The following MYRIP variants were observed in gnomAD, a reference collection of about 807,000 sequenced individuals.
MYRIP encodes the protein rab effector MyRIP.
In MYRIP, 49 loss-of-function variants were observed where a neutral mutation model predicts 98.0. That is an observed-to-expected ratio of 0.50 (90% confidence interval 0.40 to 0.63). The LOEUF (loss-of-function observed/expected upper bound fraction) is 0.63, where lower values mean the gene tolerates loss of function less well. Among genes scored for constraint, MYRIP ranks in the 30% least tolerant of loss-of-function variants. MYRIP has a pLI of 0.00. For synonymous variants in MYRIP, 404 were observed against 409.5 expected (o/e 0.99, Z 0.16); for missense variants, 1,004 against 1,058.2 (o/e 0.95, Z 0.71).
At chr3:39,960,162 TCATAAGAGC>T (rs1945286587) in intron 2 of MYRIP, among the ~76,000 whole-genome samples, 1 of 151,992 alleles carries the variant, frequency 6.6e-6, no homozygotes, top group South Asian at 2.1e-4. Flanking sequence ...TTAGGGAGCA[TCATAAGAGC>T]CAGTGAGTTT....
chr3:39,887,976 G>C (rs374849395), intron 1 of MYRIP, among the ~76,000 whole-genome samples: 20 of 150,542 alleles, frequency 1.3e-4, no homozygotes. Context: ...TACAAGGGAC[G>C]TGAAGGACCT....
intron 8 of MYRIP, among the ~76,000 whole-genome samples, chr3:40,179,266 AG>A (rs1950834583): frequency 6.6e-6 from 1 of 152,146 alleles, no homozygotes; most frequent in African/African-American, 2.4e-5. Flanking sequence ...GACCTGTTGG[AG>A]ACAGCTCTGC....
chr3:39,983,691 G>C (rs752101868), intron 2 of MYRIP, among the ~76,000 whole-genome samples: 1 of 152,120 alleles, frequency 6.6e-6, no homozygotes, highest in Admixed American at 6.6e-5. Context: ...AACAAATGAA[G>C]AGATATACAA....
At chr3:39,851,480 G>A (rs895129352) in intron 1 of MYRIP, among the ~76,000 whole-genome samples, 2 of 152,120 alleles carry the variant, frequency 1.3e-5, no homozygotes, top group Non-Finnish European at 2.9e-5. Context: ...CTCAGGGTGT[G>A]GGTATGGGTC....
At chr3:39,818,801 C>T (rs1178417364) in intron 1 of MYRIP, among the ~76,000 whole-genome samples, 1 of 151,930 alleles carries the variant, frequency 6.6e-6, no homozygotes, top group Admixed American at 6.6e-5. Flanking sequence ...CATTTGATGC[C>T]AAATTACTCC....
chr3:40,065,764 T>C (rs956290494), intron 3 of MYRIP, among the ~76,000 whole-genome samples: 1 of 152,148 alleles, frequency 6.6e-6, no homozygotes, highest in African/African-American at 2.4e-5. Flanking sequence ...TTGTCCCCCA[T>C]CTCAATGCAT....
chr3:40,054,766 C>G (rs1327423699), intron 3 of MYRIP, among the ~76,000 whole-genome samples: 1 of 152,168 alleles, frequency 6.6e-6, no homozygotes, highest in Non-Finnish European at 1.5e-5. Flanking sequence ...ATAAATGTCT[C>G]TCTCTGGCAC....
intron 2 of MYRIP, among the ~76,000 whole-genome samples, chr3:39,953,269 T>C (rs781664080): frequency 2.0e-5 from 3 of 152,214 alleles, no homozygotes; most frequent in Non-Finnish European, 2.9e-5. Flanking sequence ...TTCAATAGTT[T>C]TACTTGAATA....
intron 1 of MYRIP, among the ~76,000 whole-genome samples, chr3:39,850,854 T>A (rs1274646744): frequency 2.6e-5 from 4 of 152,174 alleles, no homozygotes; most frequent in African/African-American, 7.2e-5. Context: ...CATTATCCAG[T>A]TGAAACTGAA....
At chr3:40,125,289 G>C (rs1949502826) in intron 3 of MYRIP, among the ~76,000 whole-genome samples, 1 of 152,204 alleles carries the variant, frequency 6.6e-6, no homozygotes. Flanking sequence ...ACAATAGGCT[G>C]TCTGTAAGCT....
chr3:39,963,482 A>G (rs908553158), intron 2 of MYRIP, among the ~76,000 whole-genome samples: 11 of 152,104 alleles, frequency 7.2e-5, no homozygotes, highest in African/African-American at 2.7e-4. Context: ...TGCATGTCCT[A>G]CAGTGTGCAA....
chr3:40,033,543 A>G (rs956053142), intron 2 of MYRIP, among the ~76,000 whole-genome samples: 1 of 152,210 alleles, frequency 6.6e-6, no homozygotes, highest in Non-Finnish European at 1.5e-5. Flanking sequence ...AAGGAGAACT[A>G]CAAACCACTG....
rs148201255 is a variant in MYRIP, at chr3:39,945,827, G to A, written c.110+44901G>A. Among the ~76,000 whole-genome samples the A allele has an allele frequency of 3.6e-4, 55 of 152,162 alleles. 1 individual carries two copies. Among genetic ancestry groups the A allele is most frequent in the Non-Finnish European group, 7.8e-4 (53 of 67,988 alleles). On this transcript the variant is annotated intron_variant, in intron 2 of 16. Coordinates refer to ENST00000302541, the MANE Select transcript of MYRIP (RefSeq NM_015460.4). ...TGTACAACTTAATATGATGTCAAAAGTAGTTCTTAAAAGAAATTATAAAAA... is the reference window on the plus strand; with the variant it reads ...TGTACAACTTAATATGATGTCAAAAATAGTTCTTAAAAGAAATTATAAAAA...
intron 11 of MYRIP, among the ~76,000 whole-genome samples, chr3:40,216,349 G>A (rs1952118560): frequency 1.3e-5 from 2 of 152,142 alleles, no homozygotes; most frequent in African/African-American, 2.4e-5. Context: ...GAAACGCTGG[G>A]GAGAGGTAAG....
intron 2 of MYRIP, among the ~76,000 whole-genome samples, chr3:39,950,918 G>C (rs1944998039): frequency 6.6e-6 from 1 of 152,076 alleles, no homozygotes; most frequent in Non-Finnish European, 1.5e-5. Context: ...TTTATTTTCT[G>C]TTATACCTTT....
chr3:40,220,384 G>T (rs893756467), intron 11 of MYRIP, among the ~76,000 whole-genome samples: 8 of 152,054 alleles, frequency 5.3e-5, no homozygotes, highest in African/African-American at 1.9e-4. Context: ...CATTGCTTTT[G>T]GTGTTTTAGA....
At chr3:39,923,794 A>G (rs1944356312) in intron 2 of MYRIP, among the ~76,000 whole-genome samples, 1 of 152,140 alleles carries the variant, frequency 6.6e-6, no homozygotes, top group Non-Finnish European at 1.5e-5. Flanking sequence ...CAAAAATTAT[A>G]ATACTGTTTG....
chr3:39,928,788 A>G (rs975127253), intron 2 of MYRIP, among the ~76,000 whole-genome samples: 1 of 151,980 alleles, frequency 6.6e-6, no homozygotes, highest in Admixed American at 6.6e-5. Flanking sequence ...AAGGATGTCT[A>G]CTCTCTCCAC....
intron 2 of MYRIP, among the ~76,000 whole-genome samples, chr3:39,960,090 G>A (rs575579218): frequency 6.6e-6 from 1 of 152,162 alleles, no homozygotes; most frequent in East Asian, 1.9e-4. Flanking sequence ...ATTATCCCTG[G>A]GAATGAGTGG....
Sources: gnomAD v4.1 joint callset for allele counts (sites outside exome capture counted in the v4.1 genomes callset) on GRCh38, gnomAD v4.1.1 for gene constraint, MANE v1.5 for transcripts, NCBI Gene and HGNC (gene_info 2026-07-23, HGNC 2026-07-21) for gene names.